SLC22A25: variants seen among roughly 807,000 people sequenced by gnomAD.
SLC22A25 encodes the protein solute carrier family 22 member 25.
SLC22A25 carries 44 observed loss-of-function variants against 45.9 expected under a neutral mutation model. The observed-to-expected ratio is 0.96, with a 90% CI of 0.75 to 1.23. The LOEUF is 1.23. Ranked by LOEUF, SLC22A25 falls within the 50% of genes most tolerant of loss-of-function variation. The pLI is 0.00. For missense variants in SLC22A25, 800 were observed against 666.4 expected (o/e 1.20, Z -2.21); for synonymous variants, 283 against 238.6 (o/e 1.19, Z -1.72).
intron 9 of SLC22A25, among the ~76,000 whole-genome samples, chr11:63,170,806 A>G (rs891007188): frequency 2.0e-5 from 3 of 152,038 alleles, no homozygotes; most frequent in Admixed American, 6.6e-5. Flanking sequence ...CCTCCCTAAC[A>G]TATTTTATGA....
chr11:63,186,368 T>G (rs1404980002), intron 7 of SLC22A25, among the ~76,000 whole-genome samples: 2 of 151,594 alleles, frequency 1.3e-5, no homozygotes, highest in Non-Finnish European at 2.9e-5. Context: ...GTTCATATCC[T>G]TTGCCCACTT....
intron 7 of SLC22A25, among the ~76,000 whole-genome samples, chr11:63,197,863 T>G (rs962923263): frequency 6.6e-6 from 1 of 151,366 alleles, no homozygotes; most frequent in African/African-American, 2.4e-5. Context: ...ACAAAGAACT[T>G]AAATAAATTT....
chr11:63,172,893 A>C (rs2087940917), intron 9 of SLC22A25, among the ~76,000 whole-genome samples: 2 of 152,172 alleles, frequency 1.3e-5, no homozygotes, highest in Non-Finnish European at 2.9e-5. Context: ...ATTAGAAATC[A>C]TTCTACTATA....
chr11:63,217,479 A>G lies in SLC22A25; in HGVS notation c.665T>C (p.Val222Ala), dbSNP rs2089744475. 6.2e-7 allele frequency: 1 copy of G among 1,613,420 alleles called. No homozygotes were observed. Among genetic ancestry groups the G allele is most frequent in the African/African-American group, 1.3e-5 (1 of 74,924 alleles). Residue 222 changes from valine (V) to alanine (A), a missense_variant, in exon 7 of 12, where the codon GTA becomes GCA. Transcript: ENST00000306494. ...SIIVNTVLLI[V>A]EWITHQFCAM... ...ACAGAATTGGTGAGTTATCCACTCT[A>G]CAACTGAAAGAAAACACAAACAAGA...
intron 9 of SLC22A25, among the ~76,000 whole-genome samples, chr11:63,169,979 T>A (rs547252845): frequency 6.6e-6 from 1 of 152,296 alleles, no homozygotes; most frequent in Non-Finnish European, 1.5e-5. Flanking sequence ...CAGACCACAG[T>A]GCAATCAAAT....
intron 10 of SLC22A25, among the ~76,000 whole-genome samples, chr11:63,165,233 C>T (rs1046407609): frequency 6.6e-6 from 1 of 152,128 alleles, no homozygotes; most frequent in Admixed American, 6.6e-5. Flanking sequence ...AGGATTCTAT[C>T]CAATTAAAAC....
intron 7 of SLC22A25, among the ~76,000 whole-genome samples, chr11:63,186,197 C>T (rs1038495365): frequency 1.6e-5 from 2 of 125,262 alleles, no homozygotes; most frequent in East Asian, 2.3e-4. Flanking sequence ...ACATCCTCTC[C>T]AGCACCTGTT....
At chr11:63,170,625 A>G (rs1275476345) in intron 9 of SLC22A25, among the ~76,000 whole-genome samples, 1 of 152,224 alleles carries the variant, frequency 6.6e-6, no homozygotes, top group Non-Finnish European at 1.5e-5. Flanking sequence ...GAAGAAGTTG[A>G]ATCCCTGAAT....
At chr11:63,193,935 C>A (rs1354018969) in intron 7 of SLC22A25, among the ~76,000 whole-genome samples, 2 of 152,082 alleles carry the variant, frequency 1.3e-5, no homozygotes, top group Non-Finnish European at 1.5e-5. Context: ...CGACAAATGG[C>A]TAACTAGAAT....
chr11:63,192,699 A>G (rs2088858582), intron 7 of SLC22A25, among the ~76,000 whole-genome samples: 1 of 152,206 alleles, frequency 6.6e-6, no homozygotes, highest in Admixed American at 6.5e-5. Flanking sequence ...CTACTTTCTG[A>G]CAGAACAGAG....
chr11:63,184,816 T>C (rs1196301733), intron 7 of SLC22A25, among the ~76,000 whole-genome samples: 1 of 152,132 alleles, frequency 6.6e-6, no homozygotes, highest in Non-Finnish European at 1.5e-5. Context: ...ACAATACTTG[T>C]TAAGGAAAGG....
rs200486290 is a variant in SLC22A25 at position 63,228,479 on chromosome 11, T to A, written c.488A>T (p.Tyr163Phe). The A allele has an allele frequency of 1.2e-6, 2 of 1,612,704 alleles. No homozygotes were observed. Among genetic ancestry groups the A allele is most frequent in the East Asian group, 4.5e-5 (2 of 44,854 alleles). The change falls in exon 5 of 12, where the codon TAT (tyrosine) becomes TTT (phenylalanine). Residue 163 changes from tyrosine to phenylalanine, a missense_variant. Physicochemically the swap from Tyr to Phe is conservative, Grantham distance 22 (BLOSUM62 3). Transcript: ENST00000306494. ...MAGMMVGGNL[Y>F]GHLSDRFGRK... Reference sequence around the variant, plus strand: ...CACTCACCTGTCTGACAAATGGCCATATAGGTTGCCTCCCACCATCATTCC... The same window carrying A: ...CACTCACCTGTCTGACAAATGGCCAAATAGGTTGCCTCCCACCATCATTCC...
At chr11:63,180,307 A>G (rs1048647775) in intron 9 of SLC22A25, among the ~76,000 whole-genome samples, 9 of 152,104 alleles carry the variant, frequency 5.9e-5, no homozygotes, top group Non-Finnish European at 8.8e-5. Flanking sequence ...ATAACTGGTA[A>G]TATTCATTGA....
At chr11:63,174,198 A>G (rs191190615) in intron 9 of SLC22A25, among the ~76,000 whole-genome samples, 2 of 152,244 alleles carry the variant, frequency 1.3e-5, no homozygotes, top group South Asian at 2.1e-4. Context: ...GATGGTTTCC[A>G]GCTTCATCCA....
intron 7 of SLC22A25, among the ~76,000 whole-genome samples, chr11:63,188,896 C>T (rs1050765956): frequency 2.0e-5 from 3 of 152,148 alleles, no homozygotes; most frequent in South Asian, 2.1e-4. Flanking sequence ...TTTGATTGCA[C>T]TGTGGTCTGA....
At chr11:63,201,001 T>C (rs2089224240) in intron 7 of SLC22A25, among the ~76,000 whole-genome samples, 1 of 151,786 alleles carries the variant, frequency 6.6e-6, no homozygotes, top group Non-Finnish European at 1.5e-5. Flanking sequence ...CTCAAAGAAA[T>C]CAGAGATGAT....
At chr11:63,183,842 G>A (rs748481088) in intron 7 of SLC22A25, 25 bp from the exon 8 acceptor site, 2 of 1,611,858 alleles carry the variant, frequency 1.2e-6, no homozygotes, top group East Asian at 4.5e-5. Flanking sequence ...GGACAGAGGT[G>A]CAGCCAACCA....
intron 7 of SLC22A25, among the ~76,000 whole-genome samples, chr11:63,216,874 G>A (rs930964232): frequency 6.6e-6 from 1 of 152,096 alleles, no homozygotes; most frequent in African/African-American, 2.4e-5. Flanking sequence ...AATTTCTAAT[G>A]AGCAGCAATG....
chr11:63,225,016 G>A lies in SLC22A25; in HGVS notation c.506+3445C>T, dbSNP rs909310262. Among the ~76,000 whole-genome samples, 7 of 152,072 alleles carry A rather than the reference G, an allele frequency of 4.6e-5. No homozygotes were observed. The East Asian group carries it at 7.7e-4, about 17-fold the overall frequency. On this transcript the variant is annotated intron_variant, in intron 5 of 11. Transcript: ENST00000306494. ...CGGGAGGCTGAGGCAGGAGAATGGC[G>A]TGAACCCAGGAGGCGGAGCTTGCAG...
Sources: allele counts gnomAD v4.1 joint callset (sites outside exome capture counted in the v4.1 genomes callset), GRCh38; gene constraint gnomAD v4.1.1; transcripts MANE v1.5; gene names NCBI Gene and HGNC (gene_info 2026-07-23, HGNC 2026-07-21).